Variants in DNAJC6 observed in about 807,000 individuals in gnomAD.
DNAJC6 encodes auxilin.
A neutral mutation model predicts 110.0 loss-of-function variants in DNAJC6; 34 were observed. The ratio of observed to expected loss-of-function variants is 0.31; its 90% CI spans 0.24 to 0.41. DNAJC6 has a LOEUF of 0.41. DNAJC6 is among the 10% of genes least tolerant of loss of function. The probability of loss-of-function intolerance (pLI) is 1.00; values close to 1 mark genes in which losing one functional copy is unlikely to be tolerated. For synonymous variants in DNAJC6, 406 were observed against 437.2 expected, an observed-to-expected ratio of 0.93 and a Z score of 0.89; for missense variants, 1,031 against 1,207.8, an observed-to-expected ratio of 0.85 and a Z score of 2.17.
rs115654602 is a variant in DNAJC6, at chr1:65,366,762, A to G, written c.543+566A>G. Reference sequence around the variant, plus strand: ...CTGAATTCTGACTTACTCACTAAAAAAAGGCATTTTTTTCCCCTCTCAAGA... The same window carrying G: ...CTGAATTCTGACTTACTCACTAAAAGAAGGCATTTTTTTCCCCTCTCAAGA... On this transcript the variant is annotated intron_variant, in intron 4 of 18. Coordinates refer to ENST00000371069, the MANE Select transcript of DNAJC6 (RefSeq NM_001256864.2). Among the ~76,000 whole-genome samples the G allele has an allele frequency of 9.8e-3, 1,492 of 152,292 alleles. 23 individuals carry two copies. The highest frequency in any genetic ancestry group is 0.034 in the African/African-American group (1,427 of 41,554).
chr1:65,291,233 A>G (rs1489620297), intron 1 of DNAJC6, among the ~76,000 whole-genome samples: 1 of 152,112 alleles, frequency 6.6e-6, no homozygotes, highest in Non-Finnish European at 1.5e-5. Context: ...GGGTTTCACT[A>G]TGTTGACCAG....
chr1:65,311,507 G>T (rs1339081650), intron 1 of DNAJC6, among the ~76,000 whole-genome samples: 1 of 152,162 alleles, frequency 6.6e-6, no homozygotes, highest in Non-Finnish European at 1.5e-5. Flanking sequence ...TTACAGGCAT[G>T]AGCCACCGCG....
At chr1:65,266,306 G>C (rs1346655605) in intron 1 of DNAJC6, among the ~76,000 whole-genome samples, 3 of 151,418 alleles carry the variant, frequency 2.0e-5, no homozygotes, top group Non-Finnish European at 4.4e-5. Flanking sequence ...ACAATCTAAT[G>C]CCAATGGAGA....
chr1:65,410,681 C>T (rs979826422), intron 17 of DNAJC6, among the ~76,000 whole-genome samples: 2 of 152,138 alleles, frequency 1.3e-5, no homozygotes, highest in African/African-American at 4.8e-5. Context: ...GTTCATAGTT[C>T]AAATAAATGG....
intron 15 of DNAJC6, among the ~76,000 whole-genome samples, chr1:65,405,662 G>T (rs367612496): frequency 6.6e-6 from 1 of 152,114 alleles, no homozygotes; most frequent in South Asian, 2.1e-4. Flanking sequence ...AAGGAAAAAT[G>T]AGGCCATTAA....
chr1:65,351,605 G>A (rs1424077964), intron 1 of DNAJC6, among the ~76,000 whole-genome samples: 4 of 152,154 alleles, frequency 2.6e-5, no homozygotes, highest in Admixed American at 2.6e-4. Flanking sequence ...TGTGGTGTAT[G>A]TGTATGCGTA....
intron 17 of DNAJC6, 112 bp from the exon 18 acceptor site, chr1:65,411,137 TG>T (rs1646125061): frequency 9.9e-7 from 1 of 1,006,536 alleles, no homozygotes; most frequent in Non-Finnish European, 1.4e-6. Flanking sequence ...TCATACAGGT[TG>T]CCCTAAGTGT....
At chr1:65,390,837 T>G (rs1645919372) in intron 11 of DNAJC6, among the ~76,000 whole-genome samples, 1 of 152,210 alleles carries the variant, frequency 6.6e-6, no homozygotes. Context: ...GAAAACCCAG[T>G]GGTATCTGGA....
chr1:65,288,718 T>C (rs1181849927), intron 1 of DNAJC6, among the ~76,000 whole-genome samples: 1 of 152,242 alleles, frequency 6.6e-6, no homozygotes, highest in Non-Finnish European at 1.5e-5. Flanking sequence ...CCCAATGTTT[T>C]ACACTGTAGA....
intron 1 of DNAJC6, among the ~76,000 whole-genome samples, chr1:65,275,899 C>CT (rs34750466): frequency 0.42 from 58,947 of 138,782 alleles, 12,632 homozygotes; most frequent in East Asian, 0.58. Flanking sequence ...CTATTAGATT[C>CT]TTTTTTTTTT....
chr1:65,288,679 C>T (rs1379192266), intron 1 of DNAJC6, among the ~76,000 whole-genome samples: 2 of 152,194 alleles, frequency 1.3e-5, no homozygotes, highest in Non-Finnish European at 2.9e-5. Context: ...CCTGACAACC[C>T]TCCAACCTCT....
chr1:65,391,705 T>C (rs1645928430), intron 11 of DNAJC6, among the ~76,000 whole-genome samples: 1 of 152,112 alleles, frequency 6.6e-6, no homozygotes, highest in South Asian at 2.1e-4. Flanking sequence ...AATCAACACT[T>C]AGGTACTACT....
upstream of DNAJC6, among the ~76,000 whole-genome samples, chr1:65,305,081 T>C (rs913184207): frequency 6.6e-6 from 1 of 152,260 alleles, no homozygotes; most frequent in African/African-American, 2.4e-5. Flanking sequence ...GTGCATTGAT[T>C]TATGTTTGTT....
chr1:65,286,473 C>G (rs555756020), intron 1 of DNAJC6, among the ~76,000 whole-genome samples: 37 of 152,228 alleles, frequency 2.4e-4, no homozygotes, highest in Non-Finnish European at 2.4e-4. Context: ...TCTTGAACTC[C>G]TGGGCTCAAG....
At chr1:65,289,286 T>A (rs930723596) in intron 1 of DNAJC6, among the ~76,000 whole-genome samples, 1 of 152,048 alleles carries the variant, frequency 6.6e-6, no homozygotes, top group African/African-American at 2.4e-5. Context: ...ACCTCCACTT[T>A]CCAGGTTCAA....
At chr1:65,372,076 A>G (rs1452408776) in intron 4 of DNAJC6, among the ~76,000 whole-genome samples, 1 of 151,930 alleles carries the variant, frequency 6.6e-6, no homozygotes, top group Non-Finnish European at 1.5e-5. Context: ...TTCTGGAGCT[A>G]TTAGCCTATT....
At chr1:65,387,808 T>C (rs1645886852) in intron 8 of DNAJC6, among the ~76,000 whole-genome samples, 1 of 152,222 alleles carries the variant, frequency 6.6e-6, no homozygotes, top group Non-Finnish European at 1.5e-5. Context: ...AGTGAGTGCT[T>C]TGTGCCAGCC....
chr1:65,300,665 CCTT>C (rs1230849235), intron 1 of DNAJC6, among the ~76,000 whole-genome samples: 1 of 152,336 alleles, frequency 6.6e-6, no homozygotes, highest in African/African-American at 2.4e-5. Context: ...GTATGGTAAT[CCTT>C]CTCACGAAAC....
At position 65,361,250 on chromosome 1, in the gene DNAJC6, C is replaced by T. The variant is rs144801376; in HGVS notation, c.194-3385C>T. Among the ~76,000 whole-genome samples the T allele has an allele frequency of 6.8e-4, 104 of 152,310 alleles. No homozygotes were observed. In the East Asian group the frequency reaches 0.019, roughly 28 times the overall value. On this transcript the variant is annotated intron_variant, in intron 1 of 18. Coordinates refer to ENST00000371069, the MANE Select transcript of DNAJC6 (RefSeq NM_001256864.2). ...GCACAGTTCCTGTTGCATTGGAGAG[C>T]TCAGTTAGTGGTAGAGATGATTAAT...
Sources: allele counts gnomAD v4.1 joint callset (sites outside exome capture counted in the v4.1 genomes callset), GRCh38; gene constraint gnomAD v4.1.1; transcripts MANE v1.5; gene names NCBI Gene and HGNC (gene_info 2026-07-23, HGNC 2026-07-21).